The following RNF144B variants were observed in gnomAD, a reference collection of about 807,000 sequenced individuals.
The protein encoded by RNF144B is ring finger protein 144B, also known as E3 ubiquitin-protein ligase RNF144B.
In RNF144B, 25 loss-of-function variants were observed where a neutral mutation model predicts 40.2. The observed-to-expected ratio is 0.62, with a 90% CI of 0.45 to 0.87. The LOEUF (loss-of-function observed/expected upper bound fraction) is 0.87. Among genes scored for constraint, RNF144B ranks in the 40% least tolerant of loss-of-function variants. The pLI, the probability that RNF144B is intolerant of heterozygous loss-of-function variation, is 0.00. For missense variants in RNF144B, 365 were observed against 373.7 expected, an observed-to-expected ratio of 0.98 and a Z score of 0.19; for synonymous variants, 145 against 136.3, an observed-to-expected ratio of 1.06 and a Z score of -0.44.
At position 18,464,999 on chromosome 6, in the gene RNF144B, T is replaced by G; in HGVS notation, c.844T>G (p.Cys282Gly). 7.4e-6 allele frequency: 12 copies of G among 1,613,858 alleles called. No individual in the cohort carries two copies. The highest frequency in any genetic ancestry group is 1.0e-5 in the Non-Finnish European group (12 of 1,179,898). ...ACCCTTGTTACTCCTGGCCTCCCCA[T>G]GTATAATCTGTTGTGTCTGCAAGTC... Reference protein sequence around the residue: ...TSPLLLLASPCIICCVCKSCR... With the variant: ...TSPLLLLASPGIICCVCKSCR... The change falls in exon 8 of 8, where the codon TGT (cysteine) becomes GGT (glycine). Residue 282 changes from cysteine to glycine, a missense_variant. Transcript: ENST00000259939. The surrounding 1 kb of genome is among the most constrained non-coding windows in gnomAD (Gnocchi z 6.1).
intron 2 of RNF144B, among the ~76,000 whole-genome samples, chr6:18,417,466 A>C (rs1450008521): frequency 6.6e-6 from 1 of 152,168 alleles, no homozygotes; most frequent in Non-Finnish European, 1.5e-5. Flanking sequence ...GTGCCAAGAC[A>C]ATTCAAAGAG....
At chr6:18,427,779 C>A in intron 3 of RNF144B, 94 bp downstream of exon 3, 1 of 795,622 alleles carries the variant, frequency 1.3e-6, no homozygotes, top group Non-Finnish European at 2.0e-6. Context: ...GGGAGTCTAG[C>A]AAGAAAATAC....
intron 2 of RNF144B, among the ~76,000 whole-genome samples, chr6:18,408,445 G>A (rs571480469): frequency 1.3e-5 from 2 of 152,212 alleles, no homozygotes; most frequent in East Asian, 3.9e-4. Flanking sequence ...ATTTTAATAT[G>A]CATTTATCTT....
chr6:18,391,735 G>A (rs1192165668), intron 1 of RNF144B, among the ~76,000 whole-genome samples: 3 of 151,568 alleles, frequency 2.0e-5, no homozygotes, highest in Non-Finnish European at 4.4e-5. Flanking sequence ...AAGCGTGGTG[G>A]TGGGCGCCTG....
chr6:18,424,506 C>T (rs1397534120), intron 2 of RNF144B, among the ~76,000 whole-genome samples: 1 of 152,152 alleles, frequency 6.6e-6, no homozygotes, highest in Non-Finnish European at 1.5e-5. Context: ...GGTCTAACTT[C>T]TCACCCAAAA....
intron 4 of RNF144B, among the ~76,000 whole-genome samples, chr6:18,455,577 C>G (rs1405484626): frequency 6.6e-6 from 1 of 152,144 alleles, no homozygotes; most frequent in Non-Finnish European, 1.5e-5. Context: ...ACGTTTAAAA[C>G]TAGAATGTTG....
intron 4 of RNF144B, among the ~76,000 whole-genome samples, chr6:18,440,768 G>C (rs1758942047): frequency 6.7e-6 from 1 of 149,128 alleles, no homozygotes; most frequent in Non-Finnish European, 1.5e-5. Flanking sequence ...TCTTATAGGA[G>C]AATAACACTG....
Position 18,448,442 on chromosome 6 carries a change from C to A in RNF144B, c.331+8698C>A, listed in dbSNP as rs746856247. On this transcript the variant is annotated intron_variant, in intron 4 of 7. Coordinates refer to ENST00000259939, the MANE Select transcript of RNF144B (RefSeq NM_182757.4). This position sits in a 1 kb window ranked among gnomAD's most constrained non-coding sequence, Gnocchi z 4.0. ...GTGCAATAAGAAGGAGGGTCAGCAGCTGAGAGTGAGAAGAGAAAAGGGGTA... is the reference window on the plus strand; with the variant it reads ...GTGCAATAAGAAGGAGGGTCAGCAGATGAGAGTGAGAAGAGAAAAGGGGTA... Among the ~76,000 whole-genome samples, 1 of 151,896 alleles carries A rather than the reference C, an allele frequency of 6.6e-6. No homozygotes were observed. The highest frequency in any genetic ancestry group is 2.4e-5 in the African/African-American group (1 of 41,346).
intron 2 of RNF144B, among the ~76,000 whole-genome samples, chr6:18,402,415 T>C (rs1048027727): frequency 1.1e-5 from 1 of 88,420 alleles, no homozygotes; most frequent in African/African-American, 3.3e-5. Flanking sequence ...ACCTGGCCTT[T>C]AAATAGATGC....
In RNF144B at chr6:18,441,297, AC is replaced by A. The variant is rs1758960132; in HGVS notation, c.331+1555del. On this transcript the variant is annotated intron_variant, in intron 4 of 7. Transcript: ENST00000259939. This position sits in a 1 kb window ranked among gnomAD's most constrained non-coding sequence, Gnocchi z 4.9. Reference sequence around the variant, plus strand: ...TGTGGATGCCTGGCTGGTAGCAAGTACCATGATTTGAGTGCTTTTACCTGGA... The same window carrying A: ...TGTGGATGCCTGGCTGGTAGCAAGTACATGATTTGAGTGCTTTTACCTGGA... Among the ~76,000 whole-genome samples the A allele has an allele frequency of 6.6e-6, 1 of 152,226 alleles. No individual in the cohort carries two copies. The highest frequency in any genetic ancestry group is 1.5e-5 in the Non-Finnish European group (1 of 68,036).
At chr6:18,417,928 A>T (rs1208952489) in intron 2 of RNF144B, among the ~76,000 whole-genome samples, 1 of 152,184 alleles carries the variant, frequency 6.6e-6, no homozygotes, top group East Asian at 1.9e-4. Flanking sequence ...AAGTATAGAT[A>T]GTTCTGAATA....
At chr6:18,424,336 C>A (rs188873173) in intron 2 of RNF144B, among the ~76,000 whole-genome samples, 2 of 152,294 alleles carry the variant, frequency 1.3e-5, no homozygotes, top group Admixed American at 6.5e-5. Context: ...TCCCTCTTTG[C>A]CTTTGAATAG....
At chr6:18,417,483 A>G (rs1449299524) in intron 2 of RNF144B, among the ~76,000 whole-genome samples, 1 of 152,194 alleles carries the variant, frequency 6.6e-6, no homozygotes, top group Non-Finnish European at 1.5e-5. Flanking sequence ...AGAGGAAAGA[A>G]ATGTTTTTCA....
chr6:18,416,154 A>C lies in RNF144B; in HGVS notation c.166-11427A>C, dbSNP rs1219681968. ...GGAATGGTCAGTTACTTTTCTGAGC[A>C]TACTGTGTCATAAGATAGCACCTGG... On this transcript the variant is annotated intron_variant, in intron 2 of 7. Coordinates refer to ENST00000259939, the MANE Select transcript of RNF144B (RefSeq NM_182757.4). The surrounding 1 kb of genome is among the most constrained non-coding windows in gnomAD (Gnocchi z 5.5). Among the ~76,000 whole-genome samples, 1 of 152,168 alleles carries C rather than the reference A, an allele frequency of 6.6e-6. No homozygotes were observed. The highest frequency in any genetic ancestry group is 1.5e-5 in the Non-Finnish European group (1 of 68,026).
At chr6:18,421,273 TACACACACACACACAC>T (rs1170609706) in intron 2 of RNF144B, among the ~76,000 whole-genome samples, 4 of 102,266 alleles carry the variant, frequency 3.9e-5, no homozygotes, top group Non-Finnish European at 6.1e-5. Flanking sequence ...TTATATATTA[TACACACACACACACAC>T]ACACACACAC....
rs1453344043 is a variant in RNF144B, at chr6:18,466,402, C to A, written c.*1335C>A. ...TTCTGTTTCAAGGCACTGATAAAACCGCAACAAAAACATGTAAGAAATAAA... is the reference window on the plus strand; with the variant it reads ...TTCTGTTTCAAGGCACTGATAAAACAGCAACAAAAACATGTAAGAAATAAA... On this transcript the variant is annotated 3_prime_UTR_variant, in exon 8 of 8. Transcript: ENST00000259939. 6.6e-6 allele frequency: 1 copy of A among 152,084 alleles called. No individual in the cohort carries two copies. Among genetic ancestry groups the A allele is most frequent in the Non-Finnish European group, 1.5e-5 (1 of 68,012 alleles). The allele number at this position is 152,084 out of a possible 1,614,324, so 9.4% of individuals were successfully genotyped here. A position where few individuals can be genotyped will look rare whatever the true frequency, so the allele number is the denominator to read the frequency against.
intron 4 of RNF144B, 62 bp downstream of exon 4, chr6:18,439,806 A>C (rs1035358835): frequency 1.8e-6 from 2 of 1,117,844 alleles, no homozygotes; most frequent in African/African-American, 3.1e-5. Flanking sequence ...TTTTTACACT[A>C]ACCCACATGG....
In RNF144B at chr6:18,387,531, G is replaced by A; in HGVS notation, c.-136G>A. On this transcript the variant is annotated 5_prime_UTR_variant, in exon 1 of 8. Coordinates refer to ENST00000259939, the MANE Select transcript of RNF144B (RefSeq NM_182757.4). Reference sequence around the variant, plus strand: ...GCACGGAGGAAAGACGGAGAGAATGGAAGAGCTCCTGTCCGGTGTGCCAGC... The same window carrying A: ...GCACGGAGGAAAGACGGAGAGAATGAAAGAGCTCCTGTCCGGTGTGCCAGC... The A allele has an allele frequency of 7.6e-7, 1 of 1,315,892 alleles. No homozygotes were observed. The highest frequency in any genetic ancestry group is 1.0e-6 in the Non-Finnish European group (1 of 1,004,468). 81.5% of individuals were successfully genotyped at this position (1,315,892 alleles called of 1,614,324 possible). A position where few individuals can be genotyped will look rare whatever the true frequency, so the allele number is the denominator to read the frequency against.
chr6:18,408,740 G>A (rs558228834), intron 2 of RNF144B, among the ~76,000 whole-genome samples: 5 of 152,218 alleles, frequency 3.3e-5, no homozygotes, highest in Admixed American at 1.3e-4. Context: ...GCTGCATGGC[G>A]GGTCAGGATC....
Sources: allele counts gnomAD v4.1 joint callset (sites outside exome capture counted in the v4.1 genomes callset), GRCh38; gene constraint gnomAD v4.1.1; non-coding constraint Gnocchi (gnomAD v3.1); transcripts MANE v1.5; gene names NCBI Gene and HGNC (gene_info 2026-07-23, HGNC 2026-07-21).